Variants in MYOM2 observed in about 807,000 individuals in gnomAD.
MYOM2 encodes myomesin 2, also known as myomesin-2.
Under a neutral mutation model 187.6 loss-of-function variants are expected in MYOM2, and 254 were observed. The observed-to-expected ratio is 1.35, with a 90% CI of 1.22 to 1.50. MYOM2 has a LOEUF of 1.50. Ranked by LOEUF, MYOM2 falls within the 40% of genes most tolerant of loss-of-function variation. MYOM2 has a pLI of 0.00. For synonymous variants in MYOM2, 981 were observed against 753.8 expected (o/e 1.30, Z -4.94); for missense variants, 2,796 against 1,924.0 (o/e 1.45, Z -8.48).
At chr8:2,099,072 C>G in intron 19 of MYOM2, 89 bp downstream of exon 19, 6 of 1,446,194 alleles carry the variant, frequency 4.1e-6, no homozygotes, top group Non-Finnish European at 5.5e-6. Flanking sequence ...ACTCGCCAGC[C>G]TTCACAGCGT....
chr8:2,109,985 A>G (rs572802409), intron 25 of MYOM2, among the ~76,000 whole-genome samples: 7 of 152,192 alleles, frequency 4.6e-5, no homozygotes, highest in Non-Finnish European at 1.0e-4. Context: ...CTGTTTGGGC[A>G]GCAATCTTGG....
chr8:2,090,443 C>T (rs561811971), intron 15 of MYOM2, among the ~76,000 whole-genome samples: 6 of 152,242 alleles, frequency 3.9e-5, no homozygotes, highest in African/African-American at 1.4e-4. Context: ...AGGAAACGGT[C>T]ACTTTTATTG....
chr8:2,096,114 G>C (rs997706786), intron 17 of MYOM2, 133 bp from the exon 18 acceptor site: 5 of 776,460 alleles, frequency 6.4e-6, no homozygotes, highest in South Asian at 1.7e-5. Context: ...GGTTGAGAGG[G>C]ATCAGAGGGC....
chr8:2,096,172 A>G, intron 17 of MYOM2, 75 bp from the exon 18 acceptor site: 1 of 1,467,528 alleles, frequency 6.8e-7, no homozygotes, highest in Non-Finnish European at 9.3e-7. Context: ...CCTCTGCCAC[A>G]CTGGAGCTGG....
At chr8:2,137,196 A>G (rs1460151983) in intron 32 of MYOM2, among the ~76,000 whole-genome samples, 6 of 151,770 alleles carry the variant, frequency 4.0e-5, no homozygotes, top group Admixed American at 3.3e-4. Context: ...AATGGTGATC[A>G]AGAAAACATT....
At chr8:2,056,767 C>G (rs1249101515) in intron 3 of MYOM2, among the ~76,000 whole-genome samples, 1 of 152,148 alleles carries the variant, frequency 6.6e-6, no homozygotes, top group Non-Finnish European at 1.5e-5. Context: ...GAACTGACTT[C>G]AATAGCACCG....
At chr8:2,074,412 T>A (rs555542154) in intron 10 of MYOM2, among the ~76,000 whole-genome samples, 1 of 152,126 alleles carries the variant, frequency 6.6e-6, no homozygotes, top group Non-Finnish European at 1.5e-5. Flanking sequence ...TTTGGCATCA[T>A]GTGACTGAGC....
At chr8:2,072,688 A>G (rs1361127569) in intron 9 of MYOM2, among the ~76,000 whole-genome samples, 179 bp downstream of exon 9, 1 of 152,244 alleles carries the variant, frequency 6.6e-6, no homozygotes, top group Non-Finnish European at 1.5e-5. Flanking sequence ...AACTTCATCC[A>G]GGAGAATCCT....
chr8:2,074,937 G>A (rs1254082913), intron 10 of MYOM2, among the ~76,000 whole-genome samples: 1 of 152,184 alleles, frequency 6.6e-6, no homozygotes, highest in African/African-American at 2.4e-5. Context: ...CCGGGCTCCC[G>A]GCTCCATCCC....
At chr8:2,080,437 A>G (rs925983294) in intron 13 of MYOM2, among the ~76,000 whole-genome samples, 4 of 152,244 alleles carry the variant, frequency 2.6e-5, no homozygotes, top group African/African-American at 9.6e-5. Context: ...TAGGATCTCA[A>G]AACAAATGTA....
intron 1 of MYOM2, among the ~76,000 whole-genome samples, chr8:2,049,207 T>C (rs746538577): frequency 6.6e-6 from 1 of 152,022 alleles, no homozygotes; most frequent in East Asian, 1.9e-4. Context: ...GGTCGACTAG[T>C]TGGGTTTTAA....
At position 2,072,484 on chromosome 8, in the gene MYOM2, G is replaced by A. The variant is rs1819266293; in HGVS notation, c.933G>A (p.Gln311=). 6.2e-7 allele frequency: 1 copy of A among 1,613,618 alleles called. No individual in the cohort carries two copies. The highest frequency in any genetic ancestry group is 1.3e-5 in the African/African-American group (1 of 74,956). Residue 311 remains glutamine (Q), a synonymous_variant, in exon 9 of 37, where the codon CAG becomes CAA. Transcript: ENST00000262113. ...TGACGCCGGACCTGAAGCGGGTGCA[G>A]CCGCGCGCCGAGTGGTACCGCGATG... The part of the protein sequence containing the change: ...MLVTPDLKRV[Q]PRAEWYRDDV...
chr8:2,060,730 GA>G lies in MYOM2; in HGVS notation c.653+1488del, dbSNP rs576577471. On this transcript the variant is annotated intron_variant, in intron 6 of 36. Transcript: ENST00000262113. Reference sequence around the variant, plus strand: ...CCCTCCCCAGAAGCCTGCTTGGAAGGAAAGTCTTGCTCTGTTCGTTTGTTTG... The same window carrying G: ...CCCTCCCCAGAAGCCTGCTTGGAAGGAAGTCTTGCTCTGTTCGTTTGTTTG... Among the ~76,000 whole-genome samples, 551 of 137,638 alleles carry G rather than the reference GA, an allele frequency of 4.0e-3. 3 individuals are homozygous for G. The highest frequency in any genetic ancestry group is 0.014 in the African/African-American group (525 of 37,770). The allele number at this position is 137,638 out of a possible 152,430, so 90.3% of individuals were successfully genotyped here.
rs1276449302 is a variant in MYOM2 at position 2,059,198 on chromosome 8, G to C, written c.606G>C (p.Lys202Asn). 6.2e-7 allele frequency: 1 copy of C among 1,614,236 alleles called. No homozygotes were observed. Among genetic ancestry groups the C allele is most frequent in the Non-Finnish European group, 8.5e-7 (1 of 1,180,044 alleles). Residue 202 changes from lysine (K) to asparagine (N), a missense_variant, in exon 6 of 37, where the codon AAG (lysine) becomes AAC (asparagine). Physicochemically the swap from Lys to Asn is moderately conservative, Grantham distance 94 (BLOSUM62 0). Coordinates refer to ENST00000262113, the MANE Select transcript of MYOM2 (RefSeq NM_003970.4). ...TTTGCCAGGCGGCTGAACCGGGAAA[G>C]TACAGGATTGAGAGCAACTATGGCG... ...SLICQAAEPG[K>N]YRIESNYGVH...
intron 19 of MYOM2, 68 bp downstream of exon 19, chr8:2,099,051 T>G: frequency 6.7e-7 from 1 of 1,495,726 alleles, no homozygotes; most frequent in Non-Finnish European, 9.0e-7. Flanking sequence ...CCTCTGTGGC[T>G]GCGACTCTGG....
chr8:2,063,249 C>G (rs139563519), intron 6 of MYOM2, among the ~76,000 whole-genome samples: 27 of 152,328 alleles, frequency 1.8e-4, no homozygotes, highest in African/African-American at 6.5e-4. Context: ...CGATCTGTGG[C>G]CATTTTCAGT....
At chr8:2,071,660 C>T (rs1385237763) in intron 8 of MYOM2, among the ~76,000 whole-genome samples, 1 of 152,190 alleles carries the variant, frequency 6.6e-6, no homozygotes, top group Non-Finnish European at 1.5e-5. Flanking sequence ...GACTTTGTGA[C>T]ATTTAATTCT....
At chr8:2,063,650 T>TATATTTAA (rs1818920279) in intron 6 of MYOM2, among the ~76,000 whole-genome samples, 1 of 152,240 alleles carries the variant, frequency 6.6e-6, no homozygotes, top group Non-Finnish European at 1.5e-5. Context: ...GATGTTTAAA[T>TATATTTAA]TTTGATTTAA....
At chr8:2,088,620 G>C (rs1416554826) in intron 14 of MYOM2, among the ~76,000 whole-genome samples, 1 of 152,226 alleles carries the variant, frequency 6.6e-6, no homozygotes, top group Non-Finnish European at 1.5e-5. Flanking sequence ...CTTTATGGCT[G>C]TGTAGTATTC....
Sources: gnomAD v4.1 joint callset for allele counts (sites outside exome capture counted in the v4.1 genomes callset) on GRCh38, gnomAD v4.1.1 for gene constraint, MANE v1.5 for transcripts, NCBI Gene and HGNC (gene_info 2026-07-23, HGNC 2026-07-21) for gene names.